The following HNF4G variants were observed in gnomAD, a reference collection of about 807,000 sequenced individuals.
The protein encoded by HNF4G is hepatocyte nuclear factor 4-gamma.
HNF4G carries 21 observed loss-of-function variants against 50.9 expected under a neutral mutation model. The observed-to-expected ratio is 0.41, with a 90% confidence interval of 0.29 to 0.59. The LOEUF is 0.59. Among genes scored for constraint, HNF4G ranks in the 20% least tolerant of loss-of-function variants. The probability of loss-of-function intolerance (pLI) is 0.26; values close to 1 mark genes in which losing one functional copy is unlikely to be tolerated. For synonymous variants in HNF4G, 198 were observed against 185.6 expected (o/e 1.07, Z -0.54); for missense variants, 527 against 559.4 (o/e 0.94, Z 0.58).
chr8:75,540,704 T>TTG (rs1806593464), intron 1 of HNF4G, among the ~76,000 whole-genome samples: 1 of 151,854 alleles, frequency 6.6e-6, no homozygotes, highest in African/African-American at 2.4e-5. Flanking sequence ...GACATGAGTT[T>TTG]TTTAGGGGTA....
intron 1 of HNF4G, among the ~76,000 whole-genome samples, chr8:75,409,504 T>C (rs913380209): frequency 1.8e-4 from 21 of 118,420 alleles, no homozygotes; most frequent in African/African-American, 5.8e-4. Flanking sequence ...TTTTTTTTTT[T>C]CCGAGATGAA....
chr8:75,478,401 T>G (rs1563522199), intron 1 of HNF4G, among the ~76,000 whole-genome samples: 1 of 152,220 alleles, frequency 6.6e-6, no homozygotes, highest in Non-Finnish European at 1.5e-5. Context: ...TCTAAAGTCC[T>G]AAAACCTGTT....
chr8:75,425,614 T>C (rs1158000151), intron 1 of HNF4G, among the ~76,000 whole-genome samples: 1 of 148,796 alleles, frequency 6.7e-6, no homozygotes, highest in Non-Finnish European at 1.5e-5. Context: ...TTTTTATATA[T>C]ATACACACTT....
At chr8:75,492,358 A>G (rs1385500890) in intron 2 of HNF4G, among the ~76,000 whole-genome samples, 1 of 152,202 alleles carries the variant, frequency 6.6e-6, no homozygotes, top group Non-Finnish European at 1.5e-5. Context: ...ATGTAAAACT[A>G]TTCAGCTAGA....
At chr8:75,519,805 G>A (rs1314162846) in intron 2 of HNF4G, among the ~76,000 whole-genome samples, 2 of 151,396 alleles carry the variant, frequency 1.3e-5, no homozygotes, top group Non-Finnish European at 2.9e-5. Flanking sequence ...TTTAAAGTGT[G>A]GTTTTGTAGG....
intron 1 of HNF4G, among the ~76,000 whole-genome samples, chr8:75,422,729 G>C (rs187053423): frequency 1.3e-5 from 2 of 151,946 alleles, no homozygotes; most frequent in Middle Eastern, 3.4e-3. Flanking sequence ...CGCCTCCCAG[G>C]TTCACGCCAT....
intron 1 of HNF4G, among the ~76,000 whole-genome samples, chr8:75,424,857 A>G (rs1161606237): frequency 6.6e-6 from 1 of 152,086 alleles, no homozygotes; most frequent in African/African-American, 2.4e-5. Flanking sequence ...TGAACATACA[A>G]ATGCATTTGT....
intron 4 of HNF4G, 46 bp from the exon 5 acceptor site, chr8:75,552,995 GC>G: frequency 7.3e-7 from 1 of 1,378,562 alleles, no homozygotes; most frequent in Non-Finnish European, 1.0e-6. Context: ...GGGAATGTTG[GC>G]CATCTATTAT....
intron 2 of HNF4G, among the ~76,000 whole-genome samples, chr8:75,506,646 G>A (rs1431962971): frequency 6.6e-6 from 1 of 152,022 alleles, no homozygotes; most frequent in Non-Finnish European, 1.5e-5. Context: ...GATTGAACTG[G>A]CTCACTAACA....
intron 6 of HNF4G, among the ~76,000 whole-genome samples, chr8:75,557,788 T>C (rs1807176902): frequency 6.6e-6 from 1 of 152,324 alleles, no homozygotes; most frequent in East Asian, 1.9e-4. Flanking sequence ...AATATTTGTC[T>C]TTTTATAAAA....
At chr8:75,408,552 T>A (rs1319183121) in intron 1 of HNF4G, among the ~76,000 whole-genome samples, 1 of 152,170 alleles carries the variant, frequency 6.6e-6, no homozygotes, top group Non-Finnish European at 1.5e-5. Context: ...GGGGATATTT[T>A]AAATATAGTA....
intron 1 of HNF4G, among the ~76,000 whole-genome samples, chr8:75,452,669 A>G (rs1382432743): frequency 6.9e-6 from 1 of 145,804 alleles, no homozygotes; most frequent in Non-Finnish European, 1.5e-5. Context: ...CAGTGAGACG[A>G]GATCGTGCCA....
intron 1 of HNF4G, among the ~76,000 whole-genome samples, chr8:75,471,944 T>C (rs918134515): frequency 3.3e-5 from 5 of 152,226 alleles, no homozygotes; most frequent in African/African-American, 1.2e-4. Context: ...CTTATGGTAC[T>C]TGAGCAAGTA....
intron 2 of HNF4G, among the ~76,000 whole-genome samples, chr8:75,497,737 C>T (rs545603845): frequency 1.3e-4 from 19 of 151,614 alleles, no homozygotes; most frequent in African/African-American, 3.1e-4. Context: ...CTGCTGAAGA[C>T]GAGCAAATCA....
intron 1 of HNF4G, chr8:75,485,929 C>A (rs1484503752): frequency 6.6e-6 from 1 of 152,156 alleles, no homozygotes; most frequent in Non-Finnish European, 1.5e-5. Context: ...ATTTGGTAGT[C>A]TTTGGAGTTA....
chr8:75,553,296 C>T, intron 5 of HNF4G, 99 bp downstream of exon 5: 1 of 929,296 alleles, frequency 1.1e-6, no homozygotes, highest in South Asian at 1.8e-5. Flanking sequence ...TTCTATATTA[C>T]TGTATTTGGC....
At chr8:75,453,876 CAT>C (rs915749136) in intron 1 of HNF4G, among the ~76,000 whole-genome samples, 8 of 152,094 alleles carry the variant, frequency 5.3e-5, no homozygotes, top group Admixed American at 4.6e-4. Context: ...TTCCCAAATT[CAT>C]ATGTTAAAAT....
chr8:75,482,016 A>G lies in HNF4G; in HGVS notation c.-143-8073A>G, dbSNP rs79953395. Reference sequence around the variant, plus strand: ...GTGTATAAGCTTGAATAAAATCATGATATTGAAGTTTTTAAAAATCTAGTG... The same window carrying G: ...GTGTATAAGCTTGAATAAAATCATGGTATTGAAGTTTTTAAAAATCTAGTG... On this transcript the variant is annotated intron_variant, in intron 1 of 10. Coordinates refer to the HNF4G transcript ENST00000354370. Among the ~76,000 whole-genome samples, 980 of 152,242 alleles carry G rather than the reference A, an allele frequency of 6.4e-3. 54 individuals are homozygous for G. The East Asian group carries it at 0.15, about 23-fold the overall frequency.
chr8:75,466,621 C>CTTCCT (rs1554572207), intron 1 of HNF4G, among the ~76,000 whole-genome samples: 1 of 97,944 alleles, frequency 1.0e-5, no homozygotes, highest in Admixed American at 1.0e-4. Context: ...TCCTTCCTTC[C>CTTCCT]TTCCTTCCTT....
Sources: allele counts gnomAD v4.1 joint callset (sites outside exome capture counted in the v4.1 genomes callset), GRCh38; gene constraint gnomAD v4.1.1; transcripts MANE v1.5; gene names NCBI Gene and HGNC (gene_info 2026-07-23, HGNC 2026-07-21).